The following NAALADL2 variants were observed in gnomAD, a reference collection of about 807,000 sequenced individuals.
NAALADL2 encodes inactive N-acetylated-alpha-linked acidic dipeptidase-like protein 2.
NAALADL2 carries 76 observed loss-of-function variants against 87.2 expected under a neutral mutation model. That is an observed-to-expected ratio of 0.87 (90% confidence interval 0.72 to 1.05). The LOEUF is 1.05. Among genes scored for constraint, NAALADL2 ranks in the 50% least tolerant of loss-of-function variants. NAALADL2 has a pLI of 0.00. For synonymous variants in NAALADL2, 354 were observed against 331.0 expected, an observed-to-expected ratio of 1.07 and a Z score of -0.75; for missense variants, 1,089 against 945.8, an observed-to-expected ratio of 1.15 and a Z score of -1.99.
intron 5 of NAALADL2, among the ~76,000 whole-genome samples, chr3:175,408,348 A>C (rs920551467): frequency 6.6e-6 from 1 of 152,118 alleles, no homozygotes; most frequent in African/African-American, 2.4e-5. Flanking sequence ...ATTCTTCTAC[A>C]ATGCACAACA....
At chr3:174,795,515 T>A (rs1055281298) in intron 3 of NAALADL2, among the ~76,000 whole-genome samples, 3 of 152,220 alleles carry the variant, frequency 2.0e-5, no homozygotes, top group African/African-American at 7.2e-5. Flanking sequence ...ATACAGATTT[T>A]TGTATGGCTA....
intron 9 of NAALADL2, among the ~76,000 whole-genome samples, chr3:175,564,213 A>G (rs1716741174): frequency 6.6e-6 from 1 of 152,072 alleles, no homozygotes; most frequent in African/African-American, 2.4e-5. Context: ...CCTGATTTAC[A>G]GCTGCCCTCT....
chr3:174,872,848 A>C (rs1207101452), intron 1 of NAALADL2, among the ~76,000 whole-genome samples: 1 of 152,122 alleles, frequency 6.6e-6, no homozygotes, highest in East Asian at 1.9e-4. Context: ...TTTCTCTTTA[A>C]TACTGTGATG....
At chr3:174,941,763 T>A (rs1214422162) in intron 1 of NAALADL2, among the ~76,000 whole-genome samples, 1 of 53,108 alleles carries the variant, frequency 1.9e-5, no homozygotes, top group Non-Finnish European at 4.4e-5. Context: ...TACTTCTTTA[T>A]GTTTTTTTTT....
intron 5 of NAALADL2, among the ~76,000 whole-genome samples, chr3:175,343,833 A>G (rs774695871): frequency 6.6e-6 from 1 of 151,970 alleles, no homozygotes. Context: ...AAGGCAAAAA[A>G]CAGAATTACA....
intron 1 of NAALADL2, among the ~76,000 whole-genome samples, chr3:175,013,340 C>G (rs1407126842): frequency 9.4e-6 from 1 of 106,282 alleles, no homozygotes; most frequent in Non-Finnish European, 1.8e-5. Flanking sequence ...GCTCTGTTGT[C>G]CAGGCTGGAG....
intron 13 of NAALADL2, among the ~76,000 whole-genome samples, chr3:175,771,485 T>C (rs2150179599): frequency 6.6e-6 from 1 of 152,280 alleles, no homozygotes; most frequent in Non-Finnish European, 1.5e-5. Context: ...TTTATTCCTT[T>C]CCATTTCTGG....
At chr3:175,795,136 C>A (rs900621914) in intron 13 of NAALADL2, among the ~76,000 whole-genome samples, 9 of 152,200 alleles carry the variant, frequency 5.9e-5, no homozygotes, top group African/African-American at 2.2e-4. Flanking sequence ...ACCTGCAGGG[C>A]CTAAGGCTTC....
intron 1 of NAALADL2, among the ~76,000 whole-genome samples, chr3:174,445,640 A>G (rs1715000891): frequency 6.6e-6 from 1 of 152,164 alleles, no homozygotes; most frequent in Non-Finnish European, 1.5e-5. Context: ...ATATATAACT[A>G]TTAGATGTCG....
chr3:174,803,831 A>C (rs564518089), intron 3 of NAALADL2, among the ~76,000 whole-genome samples: 35 of 151,878 alleles, frequency 2.3e-4, no homozygotes, highest in Admixed American at 4.6e-4. Context: ...TGGCCTATAT[A>C]TCTGTTTTGG....
intron 9 of NAALADL2, among the ~76,000 whole-genome samples, chr3:175,496,123 G>T (rs1053095377): frequency 1.3e-5 from 2 of 151,986 alleles, no homozygotes; most frequent in Non-Finnish European, 2.9e-5. Context: ...AATGCAAATA[G>T]TAAGTAAATT....
intron 2 of NAALADL2, among the ~76,000 whole-genome samples, chr3:175,132,648 C>G (rs182773931): frequency 3.3e-5 from 3 of 91,052 alleles, no homozygotes; most frequent in African/African-American, 5.1e-5. Context: ...GGTGGCTGGC[C>G]GGGCGGGGGG....
chr3:175,289,298 G>A (rs1459121257), intron 4 of NAALADL2, among the ~76,000 whole-genome samples: 2 of 151,936 alleles, frequency 1.3e-5, no homozygotes, highest in Non-Finnish European at 2.9e-5. Context: ...CTTAAATTTG[G>A]AGCATCACCG....
At chr3:175,683,484 G>T (rs1735876860) in intron 11 of NAALADL2, among the ~76,000 whole-genome samples, 1 of 151,878 alleles carries the variant, frequency 6.6e-6, no homozygotes, top group Admixed American at 6.6e-5. Context: ...TTATTCTTAA[G>T]ATTTTAATAC....
intron 2 of NAALADL2, among the ~76,000 whole-genome samples, chr3:175,186,934 T>C (rs2862001): frequency 0.73 from 110,800 of 152,004 alleles, 40,973 homozygotes; most frequent in Non-Finnish European, 0.8. Context: ...CCTCATCTTG[T>C]GAGAGCAAAT....
chr3:175,803,042 T>A lies in NAALADL2; in HGVS notation c.2227T>A (p.Phe743Ile). 6.2e-7 allele frequency: 1 copy of A among 1,612,252 alleles called. No homozygotes were observed. Among genetic ancestry groups the A allele is most frequent in the Non-Finnish European group, 8.5e-7 (1 of 1,178,882 alleles). Residue 743 changes from phenylalanine (F) to isoleucine (I), a missense_variant, in exon 14 of 14, where the codon TTT (phenylalanine) becomes ATT (isoleucine). Phe to Ile is a conservative substitution (Grantham distance 21). Coordinates refer to ENST00000454872, the MANE Select transcript of NAALADL2 (RefSeq NM_207015.3). ...CCACCTTGATGAAAAGACAAGCCGG[T>A]TTTCAATACTTATAGAGGCTTGGGA... ...LYHLDEKTSR[F>I]SILIEAWEHC... is the part of the protein sequence containing the mutation.
rs537815268 is a variant in NAALADL2 at position 175,760,892 on chromosome 3, G to C, written c.2189+5474G>C. Among the ~76,000 whole-genome samples the C allele has an allele frequency of 1.2e-4, 18 of 152,228 alleles. 1 individual carries two copies. In the South Asian group the frequency reaches 3.1e-3, roughly 26 times the overall value. ...TTGATAGTCTTTATTTTTTAAAGCAGGTTTAGGCTTAGAAAATAATTGAGC... is the reference window on the plus strand; with the variant it reads ...TTGATAGTCTTTATTTTTTAAAGCACGTTTAGGCTTAGAAAATAATTGAGC... On this transcript the variant is annotated intron_variant, in intron 13 of 13. Transcript: ENST00000454872.
intron 1 of NAALADL2, among the ~76,000 whole-genome samples, chr3:174,893,108 C>G (rs968530761): frequency 1.2e-4 from 18 of 152,062 alleles, no homozygotes; most frequent in Non-Finnish European, 2.5e-4. Context: ...GCAGCAGACT[C>G]TTCAGTGGAA....
At chr3:175,787,602 C>A (rs1208305220) in intron 13 of NAALADL2, among the ~76,000 whole-genome samples, 2 of 151,816 alleles carry the variant, frequency 1.3e-5, no homozygotes, top group Non-Finnish European at 2.9e-5. Flanking sequence ...CTGACCTGCG[C>A]CCACTGTCTG....
Sources: gnomAD v4.1 joint callset for allele counts (sites outside exome capture counted in the v4.1 genomes callset) on GRCh38, gnomAD v4.1.1 for gene constraint, MANE v1.5 for transcripts, NCBI Gene and HGNC (gene_info 2026-07-23, HGNC 2026-07-21) for gene names.